Variants in AUTS2 observed in about 807,000 individuals in gnomAD.
The protein encoded by AUTS2 is activator of transcription and developmental regulator AUTS2.
Under a neutral mutation model 112.4 loss-of-function variants are expected in AUTS2, and 17 were observed. That is an observed-to-expected ratio of 0.15 (90% CI 0.10 to 0.23). The LOEUF (loss-of-function observed/expected upper bound fraction) is 0.23. Among genes scored for constraint, AUTS2 ranks in the 10% least tolerant of loss-of-function variants. AUTS2 has a pLI of 1.00. For synonymous variants in AUTS2, 751 were observed against 702.7 expected (o/e 1.07, Z -1.09); for missense variants, 1,510 against 1,701.6 (o/e 0.89, Z 1.98).
intron 5 of AUTS2, among the ~76,000 whole-genome samples, chr7:70,554,013 A>G (rs1043932651): frequency 9.8e-5 from 14 of 142,162 alleles, no homozygotes; most frequent in Non-Finnish European, 1.4e-4. Context: ...CTCATGATCC[A>G]CCCACCTCGG....
In AUTS2 at chr7:70,638,600, G is replaced by A. The variant is rs192948631; in HGVS notation, c.691-59969G>A. 1.8e-3 allele frequency among the ~76,000 whole-genome samples: 272 copies of A among 150,906 alleles called. 1 individual carries two copies. Among genetic ancestry groups the A allele is most frequent in the Non-Finnish European group, 2.3e-3 (155 of 67,762 alleles). ...AACCTCCATAAAGGACTGTGCGAGC[G>A]AGCACAGGCCTGTCACACACACATT... is the stretch of plus-strand genomic sequence containing the variant. On this transcript the variant is annotated intron_variant, in intron 5 of 18. Transcript: ENST00000342771.
Position 69,682,736 on chromosome 7 carries a change from C to G in AUTS2, c.309+82774C>G, listed in dbSNP as rs1435085341. Among the ~76,000 whole-genome samples the G allele has an allele frequency of 3.3e-5, 5 of 152,252 alleles. No homozygotes were observed. In the South Asian group the frequency reaches 1.0e-3, roughly 32 times the overall value. ...TGTTACTTAATACAGAGGCAGAGAG[C>G]GAAAGACTTATTCAGAAACAAAACC... On this transcript the variant is annotated intron_variant, in intron 1 of 18. Transcript: ENST00000342771.
At chr7:70,494,762 A>G (rs533365154) in intron 5 of AUTS2, among the ~76,000 whole-genome samples, 14 of 152,352 alleles carry the variant, frequency 9.2e-5, no homozygotes, top group African/African-American at 3.1e-4. Context: ...AAAATCAAAC[A>G]AAGTTCAAAA....
chr7:69,919,866 G>A (rs1795739568), intron 2 of AUTS2, among the ~76,000 whole-genome samples: 1 of 152,122 alleles, frequency 6.6e-6, no homozygotes, highest in South Asian at 2.1e-4. Context: ...TACCTACAAA[G>A]AACAACACCT....
chr7:69,823,816 A>G (rs1791113699), intron 1 of AUTS2, among the ~76,000 whole-genome samples: 1 of 152,180 alleles, frequency 6.6e-6, no homozygotes, highest in East Asian at 1.9e-4. Flanking sequence ...TACCCAGGGA[A>G]AATGTAAACG....
chr7:70,088,667 C>T (rs1803747511), intron 2 of AUTS2, among the ~76,000 whole-genome samples: 1 of 151,692 alleles, frequency 6.6e-6, no homozygotes, highest in East Asian at 1.9e-4. Flanking sequence ...GGCTGGCGTG[C>T]AATGGCGCGA....
chr7:69,884,929 T>A (rs1794207837), intron 1 of AUTS2, among the ~76,000 whole-genome samples: 1 of 152,220 alleles, frequency 6.6e-6, no homozygotes, highest in Non-Finnish European at 1.5e-5. Context: ...TAAGCACTTT[T>A]CTGTGTCTCT....
At chr7:69,760,519 C>T (rs1236070297) in intron 1 of AUTS2, among the ~76,000 whole-genome samples, 2 of 152,066 alleles carry the variant, frequency 1.3e-5, no homozygotes, top group East Asian at 3.9e-4. Flanking sequence ...AGAGCTGCTG[C>T]CCATTCAAAA....
chr7:70,774,381 T>C lies in AUTS2; in HGVS notation c.1902+282T>C, dbSNP rs964911920. On this transcript the variant is annotated intron_variant, in intron 12 of 18. Transcript: ENST00000342771. ...TGGACAGTGTCAGCTTGTATAGTTTTTACTTAACCAATCTTCTCTGTCTGT... is the reference window on the plus strand; with the variant it reads ...TGGACAGTGTCAGCTTGTATAGTTTCTACTTAACCAATCTTCTCTGTCTGT... 15 of 392,172 alleles carry C rather than the reference T, an allele frequency of 3.8e-5. No individual in the cohort carries two copies. In the South Asian group the frequency reaches 8.2e-4, roughly 21 times the overall value. 24.3% of individuals were successfully genotyped at this position (392,172 alleles called of 1,614,324 possible). A position where few individuals can be genotyped will look rare whatever the true frequency, so the allele number is the denominator to read the frequency against.
intron 5 of AUTS2, among the ~76,000 whole-genome samples, chr7:70,543,399 G>A (rs1454256436): frequency 6.6e-6 from 1 of 151,838 alleles, no homozygotes. Context: ...GGTGGTGGCG[G>A]GCACCTGTAA....
At chr7:69,999,067 A>G (rs1799072295) in intron 2 of AUTS2, among the ~76,000 whole-genome samples, 1 of 152,214 alleles carries the variant, frequency 6.6e-6, no homozygotes, top group Non-Finnish European at 1.5e-5. Context: ...TCTCTGCAAT[A>G]TGAATATATA....
rs1261726495 is a variant in AUTS2 at position 69,944,404 on chromosome 7, A to G, written c.522+44906A>G. Among the ~76,000 whole-genome samples, 3 of 152,308 alleles carry G rather than the reference A, an allele frequency of 2.0e-5. No homozygotes were observed. In the East Asian group the frequency reaches 5.8e-4, roughly 29 times the overall value. ...GAGTAGACTCAGGGTCTCTTTCAGC[A>G]TGGCTGCCTGTGTGATTTGATTCAT... On this transcript the variant is annotated intron_variant, in intron 2 of 18. Transcript: ENST00000342771.
At chr7:69,874,434 A>T (rs1793637545) in intron 1 of AUTS2, among the ~76,000 whole-genome samples, 1 of 152,174 alleles carries the variant, frequency 6.6e-6, no homozygotes, top group South Asian at 2.1e-4. Context: ...GAACATTGTA[A>T]GCAAGGAAGT....
chr7:70,381,296 T>C (rs1370086409), intron 4 of AUTS2, among the ~76,000 whole-genome samples: 1 of 152,226 alleles, frequency 6.6e-6, no homozygotes, highest in Non-Finnish European at 1.5e-5. Context: ...CCAGCCAACA[T>C]GGACATGTCT....
intron 4 of AUTS2, among the ~76,000 whole-genome samples, chr7:70,428,118 CATT>C (rs1182047866): frequency 2.0e-5 from 3 of 152,130 alleles, no homozygotes; most frequent in African/African-American, 7.2e-5. Context: ...GAGTCGACGA[CATT>C]ATTTCACAGT....
At chr7:70,260,523 G>T (rs965254951) in intron 4 of AUTS2, among the ~76,000 whole-genome samples, 7 of 152,042 alleles carry the variant, frequency 4.6e-5, no homozygotes, top group Non-Finnish European at 8.8e-5. Flanking sequence ...GCAGCACAGG[G>T]TGTCACATGG....
rs1274393704 is a variant in AUTS2 at position 70,631,567 on chromosome 7, A to G, written c.691-67002A>G. ...CTGTCCCAGTGGTGGCCCCGAGGCC[A>G]CAGGTTCTGTCCCAGATGTTCTCAG... On this transcript the variant is annotated intron_variant, in intron 5 of 18. Coordinates refer to ENST00000342771, the MANE Select transcript of AUTS2 (RefSeq NM_015570.4). This position sits in a 1 kb window ranked among gnomAD's most constrained non-coding sequence, Gnocchi z 4.5. Among the ~76,000 whole-genome samples, 1 of 152,160 alleles carries G rather than the reference A, an allele frequency of 6.6e-6. No homozygotes were observed. The highest frequency in any genetic ancestry group is 1.5e-5 in the Non-Finnish European group (1 of 68,028).
intron 1 of AUTS2, among the ~76,000 whole-genome samples, chr7:69,656,229 C>T (rs1795530166): frequency 6.6e-6 from 1 of 152,166 alleles, no homozygotes; most frequent in African/African-American, 2.4e-5. Flanking sequence ...CATTTCACAG[C>T]CATTAGGAAT....
At chr7:69,772,213 G>A (rs1184724581) in intron 1 of AUTS2, among the ~76,000 whole-genome samples, 1 of 152,188 alleles carries the variant, frequency 6.6e-6, no homozygotes, top group Non-Finnish European at 1.5e-5. Context: ...GATAACTGAA[G>A]CTTACACAGC....
Sources: gnomAD v4.1 joint callset for allele counts (sites outside exome capture counted in the v4.1 genomes callset) on GRCh38, gnomAD v4.1.1 for gene constraint, Gnocchi (gnomAD v3.1) non-coding constraint, MANE v1.5 for transcripts, NCBI Gene and HGNC (gene_info 2026-07-23, HGNC 2026-07-21) for gene names.